MPP4: variants seen among roughly 807,000 people sequenced by gnomAD.
MPP4 encodes the protein MAGUK p55 scaffold protein 4.
A neutral mutation model predicts 98.3 loss-of-function variants in MPP4; 91 were observed. That is an observed-to-expected ratio of 0.93 (90% CI 0.78 to 1.10). MPP4 has a LOEUF of 1.10. MPP4 is among the 50% of genes least tolerant of loss of function. The pLI is 0.00. For missense variants in MPP4, 744 were observed against 792.9 expected (o/e 0.94, Z 0.74); for synonymous variants, 261 against 271.8 (o/e 0.96, Z 0.39).
rs146389437 is a variant in MPP4, at chr2:201,696,369, G to A, written c.-101+2218C>T. Reference sequence around the variant, plus strand: ...CCTCCCTGGAGGGGAGCACTTCCAGGGTAGAAAATTGAAAAGGGAGATGGA... The same window carrying A: ...CCTCCCTGGAGGGGAGCACTTCCAGAGTAGAAAATTGAAAAGGGAGATGGA... On this transcript the variant is annotated intron_variant, in intron 1 of 21. Transcript: ENST00000409474. Among the ~76,000 whole-genome samples, 289 of 152,218 alleles carry A rather than the reference G, an allele frequency of 1.9e-3. 1 individual carries two copies. The highest frequency in any genetic ancestry group is 6.7e-3 in the African/African-American group (280 of 41,544).
rs546127937 is a variant in MPP4, at chr2:201,686,122, A to G, written c.361-72T>C. The G allele has an allele frequency of 2.5e-5, 39 of 1,543,284 alleles. No homozygotes were observed. In the East Asian group the frequency reaches 2.8e-4, roughly 11 times the overall value. On this transcript the variant is annotated intron_variant, in intron 5 of 21. Coordinates refer to ENST00000409474, the MANE Select transcript of MPP4 (RefSeq NM_033066.3). ...AACCCCTCTAGAAGATAGTAACTCA[A>G]TACTATCTAAGACACAGCAACAACA...
At chr2:201,680,476 T>A in intron 10 of MPP4, 1 of 174,262 alleles carries the variant, frequency 5.7e-6, no homozygotes, top group Admixed American at 5.6e-5. Flanking sequence ...GAGGGCAGAG[T>A]GCTCATGACC....
intron 11 of MPP4, among the ~76,000 whole-genome samples, chr2:201,674,568 G>T (rs1448641049): frequency 1.3e-5 from 2 of 152,164 alleles, no homozygotes; most frequent in Non-Finnish European, 2.9e-5. Context: ...TAGTGGGGGA[G>T]ATCTGATCTA....
chr2:201,661,042 T>A (rs939269758), intron 14 of MPP4, among the ~76,000 whole-genome samples: 6 of 152,108 alleles, frequency 3.9e-5, no homozygotes, highest in African/African-American at 1.4e-4. Context: ...TGCCTCAACC[T>A]CCTGAGTAGC....
intron 1 of MPP4, among the ~76,000 whole-genome samples, chr2:201,694,812 G>A (rs1437248216): frequency 6.6e-6 from 1 of 151,560 alleles, no homozygotes; most frequent in Non-Finnish European, 1.5e-5. Context: ...TAGAGATGGG[G>A]TCTCACTATG....
Position 201,649,700 on chromosome 2 carries a change from A to G in MPP4, c.1476-16T>C. The G allele has an allele frequency of 1.3e-6, 2 of 1,564,192 alleles. No individual in the cohort carries two copies. Among genetic ancestry groups the G allele is most frequent in the Non-Finnish European group, 1.8e-6 (2 of 1,140,516 alleles). ...CTCCAGCATCCTGCAAGAGCAGGCC[A>G]AACAAAACAGAACACTTTCTACAAG... is the stretch of plus-strand genomic sequence containing the variant. On this transcript the variant is annotated splice_polypyrimidine_tract_variant and intron_variant, in intron 19 of 21. Transcript: ENST00000409474.
At chr2:201,681,831 C>A (rs1377024428) in intron 8 of MPP4, among the ~76,000 whole-genome samples, 2 of 149,980 alleles carry the variant, frequency 1.3e-5, no homozygotes, top group Non-Finnish European at 2.9e-5. Flanking sequence ...CCCCCCCCCA[C>A]CCTACACTGA....
At position 201,660,338 on chromosome 2, in the gene MPP4, A is replaced by C. The variant is rs759852085; in HGVS notation, c.1081T>G (p.Ser361Ala). 3.7e-6 allele frequency: 6 copies of C among 1,613,360 alleles called. No individual in the cohort carries two copies. In the East Asian group the frequency reaches 1.3e-4, roughly 36 times the overall value. Residue 361 changes from serine to alanine, a missense_variant, in exon 15 of 22, where the codon TCA (serine) becomes GCA (alanine). Coordinates refer to ENST00000409474, the MANE Select transcript of MPP4 (RefSeq NM_033066.3). ...DEETFESEEL[S>A]EDKEEFVGYG... ...AGGAAATAAAAACAATTACCTTCTG[A>C]AAGTTCCTCTGGATATTTGGGTAAG...
At chr2:201,669,037 C>G (rs1241748982) in intron 12 of MPP4, among the ~76,000 whole-genome samples, 2 of 151,692 alleles carry the variant, frequency 1.3e-5, no homozygotes, top group Non-Finnish European at 2.9e-5. Flanking sequence ...TGGTTGGTGG[C>G]TAAGGGGACA....
intron 16 of MPP4, among the ~76,000 whole-genome samples, chr2:201,658,070 A>G (rs1169078042): frequency 1.3e-5 from 2 of 149,688 alleles, no homozygotes; most frequent in Non-Finnish European, 3.0e-5. Flanking sequence ...CTGCCTCCCT[A>G]TAGAAGGAAG....
intron 5 of MPP4, among the ~76,000 whole-genome samples, chr2:201,687,039 T>C (rs1472781951): frequency 1.3e-5 from 2 of 152,204 alleles, no homozygotes; most frequent in African/African-American, 2.4e-5. Context: ...AATAGCTTTG[T>C]AGGGGAAACA....
chr2:201,684,947 C>CA (rs1238485810), intron 7 of MPP4, 117 bp downstream of exon 7: 18,711 of 504,758 alleles, frequency 0.037, 11 homozygotes, highest in Non-Finnish European at 0.038. Flanking sequence ...GACTCCATCT[C>CA]AAAAAAAAAA....
chr2:201,661,653 T>C (rs527745438), intron 14 of MPP4: 7 of 454,618 alleles, frequency 1.5e-5, no homozygotes, highest in African/African-American at 2.0e-5. Flanking sequence ...GCACTTCCTG[T>C]GTACCAGGCA....
chr2:201,678,507 T>C (rs1477108054), intron 10 of MPP4, among the ~76,000 whole-genome samples: 1 of 152,134 alleles, frequency 6.6e-6, no homozygotes, highest in East Asian at 1.9e-4. Context: ...GGGGGATGTT[T>C]CCTCTCCCAC....
At chr2:201,664,014 T>C (rs1688095220) in intron 14 of MPP4, 67 bp downstream of exon 14, 37 of 1,226,224 alleles carry the variant, frequency 3.0e-5, no homozygotes, top group Non-Finnish European at 4.2e-5. Context: ...TAAATATGTG[T>C]ATAAATTGCA....
chr2:201,673,115 A>G (rs1377693019), intron 11 of MPP4, among the ~76,000 whole-genome samples: 1 of 152,186 alleles, frequency 6.6e-6, no homozygotes, highest in African/African-American at 2.4e-5. Flanking sequence ...AATGACAAAA[A>G]CCACATGATT....
intron 18 of MPP4, chr2:201,651,754 G>C (rs550491953): frequency 1.7e-6 from 1 of 574,076 alleles, no homozygotes; most frequent in South Asian, 7.6e-5. Context: ...AGGAGTACAA[G>C]ACCAGCCTAG....
At chr2:201,691,935 G>C (rs146165224) in intron 3 of MPP4, among the ~76,000 whole-genome samples, 99 of 152,288 alleles carry the variant, frequency 6.5e-4, no homozygotes, top group African/African-American at 2.2e-3. Context: ...ATTTATCCAG[G>C]GTTGCTGCAA....
In MPP4 at chr2:201,666,481, G is replaced by A. The variant is rs938702735; in HGVS notation, c.1013-109C>T. On this transcript the variant is annotated intron_variant, in intron 12 of 21. Coordinates refer to ENST00000409474, the MANE Select transcript of MPP4 (RefSeq NM_033066.3). The stretch of plus-strand genomic sequence containing the variant: ...CATGCCTGTGATCCCAGCACTCTGG[G>A]AGGCCGAGGCGGGCGGATCACCTGA... The A allele has an allele frequency of 1.3e-5, 10 of 795,478 alleles. No homozygotes were observed. The African/African-American group carries it at 1.5e-4, about 12-fold the overall frequency. The allele number at this position is 795,478 out of a possible 1,614,324, so 49.3% of individuals were successfully genotyped here.
Sources: allele counts gnomAD v4.1 joint callset (sites outside exome capture counted in the v4.1 genomes callset), GRCh38; gene constraint gnomAD v4.1.1; transcripts MANE v1.5; gene names NCBI Gene and HGNC (gene_info 2026-07-23, HGNC 2026-07-21).